GABRG3: variants seen among roughly 807,000 people sequenced by gnomAD.
GABRG3 encodes gamma-aminobutyric acid type A receptor subunit gamma3, also known as gamma-aminobutyric acid receptor subunit gamma-3.
GABRG3 carries 25 observed loss-of-function variants against 48.8 expected under a neutral mutation model. That is an observed-to-expected ratio of 0.51 (90% CI 0.37 to 0.72). The LOEUF is 0.72. GABRG3 is among the 30% of genes least tolerant of loss of function. The pLI is 0.00. For missense variants in GABRG3, 394 were observed against 577.9 expected (o/e 0.68, Z 3.26); for synonymous variants, 227 against 217.6 (o/e 1.04, Z -0.38).
intron 3 of GABRG3, among the ~76,000 whole-genome samples, chr15:27,162,613 A>T (rs1385026648): frequency 6.6e-6 from 1 of 152,036 alleles, no homozygotes; most frequent in Non-Finnish European, 1.5e-5. Context: ...AAAAGGGAGT[A>T]CCTAGGGTTT....
At chr15:27,276,625 A>G (rs1275561659) in intron 3 of GABRG3, among the ~76,000 whole-genome samples, 1 of 152,128 alleles carries the variant, frequency 6.6e-6, no homozygotes, top group East Asian at 1.9e-4. Flanking sequence ...AATGGGAATG[A>G]TTAGCTTTTT....
intron 6 of GABRG3, among the ~76,000 whole-genome samples, chr15:27,510,190 G>A (rs1353860342): frequency 6.6e-6 from 1 of 152,178 alleles, no homozygotes; most frequent in East Asian, 1.9e-4. Flanking sequence ...CTTGTTGCGT[G>A]TGGGTGGTTG....
At chr15:27,243,833 G>T (rs1050944023) in intron 3 of GABRG3, among the ~76,000 whole-genome samples, 23 of 152,280 alleles carry the variant, frequency 1.5e-4, no homozygotes, top group African/African-American at 5.1e-4. Flanking sequence ...CCCAATCATG[G>T]TTTTTCCAGT....
At chr15:27,406,435 G>A (rs1887635774) in intron 5 of GABRG3, among the ~76,000 whole-genome samples, 1 of 152,132 alleles carries the variant, frequency 6.6e-6, no homozygotes, top group Admixed American at 6.5e-5. Context: ...AAGTGATCAA[G>A]GTGACCCTCA....
chr15:27,012,954 G>T (rs1365876954), intron 2 of GABRG3, among the ~76,000 whole-genome samples: 1 of 152,134 alleles, frequency 6.6e-6, no homozygotes, highest in Admixed American at 6.5e-5. Flanking sequence ...GCTGTTAAAA[G>T]GTACGTATTA....
At chr15:27,212,701 C>T (rs1032484467) in intron 3 of GABRG3, among the ~76,000 whole-genome samples, 3 of 152,306 alleles carry the variant, frequency 2.0e-5, no homozygotes, top group Middle Eastern at 3.4e-3. Flanking sequence ...CACACTGAAA[C>T]TTTGTACTCA....
At position 26,975,127 on chromosome 15, in the gene GABRG3, T is replaced by G. The variant is rs2140632128; in HGVS notation, c.54-1875T>G. Among the ~76,000 whole-genome samples, 1 of 152,210 alleles carries G rather than the reference T, an allele frequency of 6.6e-6. No individual in the cohort carries two copies. Among genetic ancestry groups the G allele is most frequent in the East Asian group, 1.9e-4 (1 of 5,174 alleles). Reference sequence around the variant, plus strand: ...CCTGACCTCAGATGACCCACCCGCCTTGGCTTCCCAAAGTGTTGGGATTAC... The same window carrying G: ...CCTGACCTCAGATGACCCACCCGCCGTGGCTTCCCAAAGTGTTGGGATTAC... On this transcript the variant is annotated intron_variant, in intron 1 of 9. Transcript: ENST00000615808. This position sits in a 1 kb window ranked among gnomAD's most constrained non-coding sequence, Gnocchi z 4.6.
At chr15:27,003,829 G>A (rs1431880537) in intron 2 of GABRG3, among the ~76,000 whole-genome samples, 3 of 150,096 alleles carry the variant, frequency 2.0e-5, no homozygotes, top group Non-Finnish European at 3.0e-5. Flanking sequence ...CCTCCAGGAC[G>A]GGGTGGCTGG....
intron 3 of GABRG3, among the ~76,000 whole-genome samples, chr15:27,308,460 C>T (rs188640790): frequency 6.9e-6 from 1 of 144,512 alleles, no homozygotes; most frequent in African/African-American, 2.6e-5. Context: ...TGCAAACATA[C>T]ATGTTTATAT....
chr15:27,388,372 G>GGAAGGAACGAAAGGGAGGAGGGAAAA (rs1304926340), intron 5 of GABRG3, among the ~76,000 whole-genome samples: 3 of 97,010 alleles, frequency 3.1e-5, no homozygotes, highest in African/African-American at 1.4e-4. Context: ...AAGGAAGAAA[G>GGAAGGAACGAAAGGGAGGAGGGAAAA]GAAGGAAGGA....
intron 5 of GABRG3, among the ~76,000 whole-genome samples, chr15:27,462,137 C>T (rs145097731): frequency 7.4e-4 from 113 of 152,194 alleles, no homozygotes; most frequent in African/African-American, 2.5e-3. Flanking sequence ...GAGAAGTCCT[C>T]ATCTCCTTCC....
intron 3 of GABRG3, among the ~76,000 whole-genome samples, chr15:27,172,836 G>T (rs947978641): frequency 3.3e-5 from 5 of 152,008 alleles, no homozygotes; most frequent in African/African-American, 1.2e-4. Flanking sequence ...TTTTGAGAAG[G>T]GCCCCCACTC....
intron 3 of GABRG3, among the ~76,000 whole-genome samples, chr15:27,068,925 T>C (rs1896781751): frequency 6.6e-6 from 1 of 152,200 alleles, no homozygotes; most frequent in African/African-American, 2.4e-5. Flanking sequence ...CTGTTCTGGG[T>C]ACCACATGCC....
intron 5 of GABRG3, chr15:27,340,883 T>A (rs1414252831): frequency 5.3e-6 from 2 of 375,884 alleles, no homozygotes; most frequent in East Asian, 1.3e-4. Context: ...ACATCTTTCA[T>A]GGTTCTGTTA....
intron 3 of GABRG3, among the ~76,000 whole-genome samples, chr15:27,033,791 T>C (rs749941355): frequency 3.3e-5 from 5 of 152,150 alleles, no homozygotes; most frequent in Non-Finnish European, 7.4e-5. Context: ...CTGTCGTAGA[T>C]TTTTTTGTGG....
rs567401830 is a variant in GABRG3 at position 27,533,754 on chromosome 15, A to G, written c.*873A>G. The G allele has an allele frequency of 2.6e-5, 4 of 152,300 alleles. No individual in the cohort carries two copies. The East Asian group carries it at 7.7e-4, about 29-fold the overall frequency. The allele number at this position is 152,300 out of a possible 1,614,324, so 9.4% of individuals were successfully genotyped here. ...ATGGGTTCGGTAATTGTCATTTTGC[A>G]AAGAAAGGTATACAGTGAACACAAC... is the stretch of plus-strand genomic sequence containing the variant. On this transcript the variant is annotated 3_prime_UTR_variant, in exon 10 of 10. Transcript: ENST00000615808.
chr15:27,142,027 A>C (rs532313480), intron 3 of GABRG3, among the ~76,000 whole-genome samples: 61 of 152,154 alleles, frequency 4.0e-4, no homozygotes, highest in African/African-American at 1.4e-3. Context: ...TGAGTGGAAA[A>C]GTTTTTACAC....
At chr15:27,279,571 A>G (rs1365613237) in intron 3 of GABRG3, among the ~76,000 whole-genome samples, 1 of 152,196 alleles carries the variant, frequency 6.6e-6, no homozygotes, top group Non-Finnish European at 1.5e-5. Context: ...TCAGGTGGTT[A>G]TCCTTTCATG....
At chr15:27,332,795 C>T (rs1247159709) in intron 5 of GABRG3, among the ~76,000 whole-genome samples, 1 of 152,118 alleles carries the variant, frequency 6.6e-6, no homozygotes, top group Non-Finnish European at 1.5e-5. Context: ...GGTCTTGGCT[C>T]TCTGAGTTTC....
Sources: gnomAD v4.1 joint callset for allele counts (sites outside exome capture counted in the v4.1 genomes callset) on GRCh38, gnomAD v4.1.1 for gene constraint, Gnocchi (gnomAD v3.1) non-coding constraint, MANE v1.5 for transcripts, NCBI Gene and HGNC (gene_info 2026-07-23, HGNC 2026-07-21) for gene names.